Variants in UROS observed in about 807,000 individuals in gnomAD.
UROS encodes the protein uroporphyrinogen III synthase, also known as uroporphyrinogen-III synthase.
Under a neutral mutation model 33.0 loss-of-function variants are expected in UROS, and 18 were observed. The ratio of observed to expected loss-of-function variants is 0.55; its 90% confidence interval spans 0.38 to 0.81. The LOEUF (loss-of-function observed/expected upper bound fraction) is 0.81, where lower values mean the gene tolerates loss of function less well. Among genes scored for constraint, UROS ranks in the 30% least tolerant of loss-of-function variants. The pLI, the probability that UROS is intolerant of heterozygous loss-of-function variation, is 0.00. For synonymous variants in UROS, 114 were observed against 121.1 expected (o/e 0.94, Z 0.38); for missense variants, 293 against 314.9 (o/e 0.93, Z 0.53).
At chr10:125,812,361 G>T in intron 4 of UROS, 73 bp from the exon 5 acceptor site, 2 of 1,388,738 alleles carry the variant, frequency 1.4e-6, no homozygotes, top group South Asian at 1.2e-5. Flanking sequence ...AAGGCTGCTT[G>T]TTCACCCTAA....
chr10:125,807,105 C>T, intron 6 of UROS: 2 of 388,248 alleles, frequency 5.2e-6, no homozygotes, highest in Non-Finnish European at 9.7e-6. Flanking sequence ...ACTCACACCT[C>T]CTGCCTCTGC....
Position 125,802,434 on chromosome 10 carries a change from A to T in UROS, c.395-4289T>A, listed in dbSNP as rs1410920463. On this transcript the variant is annotated intron_variant, in intron 6 of 9. Coordinates refer to ENST00000368797, the MANE Select transcript of UROS (RefSeq NM_000375.3). ...GACCCCCAGCAATCCAGTCTGGAAC[A>T]TTCCACAGAAAGCAACACGTTGGCC... The T allele has an allele frequency of 5.1e-6, 5 of 986,402 alleles. No homozygotes were observed. The African/African-American group carries it at 8.7e-5, about 17-fold the overall frequency. 61.1% of individuals were successfully genotyped at this position (986,402 alleles called of 1,614,324 possible).
chr10:125,816,934 AAAT>A (rs1276272252), intron 1 of UROS, among the ~76,000 whole-genome samples: 3 of 152,262 alleles, frequency 2.0e-5, no homozygotes, highest in Non-Finnish European at 4.4e-5. Flanking sequence ...GCACTTTGGG[AAAT>A]AATTATATTG....
chr10:125,813,922 C>T, intron 4 of UROS, among the ~76,000 whole-genome samples: 1 of 152,348 alleles, frequency 6.6e-6, no homozygotes, highest in Non-Finnish European at 1.5e-5. Flanking sequence ...ACCACTGTCA[C>T]TTACTCCATG....
intron 9 of UROS, chr10:125,792,422 G>C (rs1424237729): frequency 6.6e-6 from 1 of 152,216 alleles, no homozygotes; most frequent in South Asian, 2.1e-4. Context: ...CCTGGCTTTG[G>C]GGGCAGCAGC....
chr10:125,803,355 C>T (rs967775497), intron 6 of UROS, among the ~76,000 whole-genome samples: 2 of 152,230 alleles, frequency 1.3e-5, no homozygotes, highest in African/African-American at 2.4e-5. Context: ...CCCCCAGAGC[C>T]TCCAGGACCC....
At chr10:125,812,856 A>G (rs1202586054) in intron 4 of UROS, among the ~76,000 whole-genome samples, 2 of 152,248 alleles carry the variant, frequency 1.3e-5, no homozygotes, top group African/African-American at 4.8e-5. Context: ...AAATCTTTAA[A>G]TATAGATTAA....
intron 7 of UROS, among the ~76,000 whole-genome samples, chr10:125,797,588 A>G (rs1851468229): frequency 6.6e-6 from 1 of 152,204 alleles, no homozygotes; most frequent in Admixed American, 6.5e-5. Flanking sequence ...CATGCTTCAG[A>G]GGCAAGAACT....
chr10:125,788,477 T>G (rs138894454), downstream of UROS: 2 of 1,009,646 alleles, frequency 2.0e-6, no homozygotes, highest in Non-Finnish European at 2.4e-6. Flanking sequence ...TAGAGCAAAT[T>G]TTCTGATTCA....
intron 1 of UROS, among the ~76,000 whole-genome samples, chr10:125,819,120 G>C (rs975068765): frequency 4.6e-5 from 7 of 152,142 alleles, no homozygotes; most frequent in African/African-American, 1.7e-4. Flanking sequence ...GAGTAGCTGG[G>C]ACTACAGGCA....
intron 9 of UROS, chr10:125,793,029 G>C (rs1353187084): frequency 1.3e-5 from 2 of 152,184 alleles, no homozygotes; most frequent in African/African-American, 4.8e-5. Flanking sequence ...ACTGTAGTAA[G>C]AGGCGAGGGG....
intron 5 of UROS, among the ~76,000 whole-genome samples, chr10:125,809,257 C>T (rs1852592700): frequency 6.6e-6 from 1 of 152,236 alleles, no homozygotes. Context: ...ACAGTGCCTA[C>T]TAAATGGCGC....
At chr10:125,822,276 AG>A (rs1486235328) in intron 1 of UROS, among the ~76,000 whole-genome samples, 2 of 150,736 alleles carry the variant, frequency 1.3e-5, no homozygotes, top group Non-Finnish European at 2.9e-5. Flanking sequence ...CTCTCCAAAT[AG>A]GCTCGGGTCT....
chr10:125,797,779 C>A (rs1325470223), intron 7 of UROS, among the ~76,000 whole-genome samples: 1 of 152,188 alleles, frequency 6.6e-6, no homozygotes, highest in Non-Finnish European at 1.5e-5. Context: ...GCCCAGGGGC[C>A]ACCTCCACAT....
In UROS at chr10:125,788,915, G is replaced by A; in HGVS notation, c.751C>T (p.Leu251=). 6.2e-7 allele frequency: 1 copy of A among 1,607,812 alleles called. No individual in the cohort carries two copies. Among genetic ancestry groups the A allele is most frequent in the Non-Finnish European group, 8.5e-7 (1 of 1,178,368 alleles). The part of the protein sequence containing the change: ...CTAESPTPQA[L]ATGIRKALQP... ...AGAGCCTTCCTGATGCCAGTGGCCA[G>A]GGCTTGTGGCGTGGGGCTCTCTGCA... Residue 251 remains leucine (L), a synonymous_variant, in exon 10 of 10, where the codon CTG becomes TTG. Transcript: ENST00000368797.
At position 125,815,000 on chromosome 10, in the gene UROS, T is replaced by C. The variant is rs1483537945; in HGVS notation, c.244+34A>G. On this transcript the variant is annotated intron_variant, in intron 4 of 9. Transcript: ENST00000368797. ...AGCAGGAGAAATAAGAGTAAATAAATGTCCAGTGGAATCCACAGCAGACCC... is the reference window on the plus strand; with the variant it reads ...AGCAGGAGAAATAAGAGTAAATAAACGTCCAGTGGAATCCACAGCAGACCC... The C allele has an allele frequency of 5.0e-6, 8 of 1,607,734 alleles. No individual in the cohort carries two copies. The South Asian group carries it at 6.6e-5, about 13-fold the overall frequency.
At chr10:125,819,286 G>GT (rs916218440) in intron 1 of UROS, among the ~76,000 whole-genome samples, 1 of 152,104 alleles carries the variant, frequency 6.6e-6, no homozygotes, top group Non-Finnish European at 1.5e-5. Context: ...CCGGCCTAAA[G>GT]TTTTTTAAAA....
downstream of UROS, among the ~76,000 whole-genome samples, chr10:125,787,372 G>A (rs982607121): frequency 6.6e-6 from 1 of 151,984 alleles, no homozygotes; most frequent in East Asian, 1.9e-4. Flanking sequence ...CCTCACTTCC[G>A]GGCTTGTCTT....
chr10:125,813,263 G>T (rs1050779652), intron 4 of UROS, among the ~76,000 whole-genome samples: 8 of 152,160 alleles, frequency 5.3e-5, no homozygotes, highest in African/African-American at 1.9e-4. Flanking sequence ...CACCTCGTCT[G>T]TTTCTTCATC....
Sources: allele counts gnomAD v4.1 joint callset (sites outside exome capture counted in the v4.1 genomes callset), GRCh38; gene constraint gnomAD v4.1.1; transcripts MANE v1.5; gene names NCBI Gene and HGNC (gene_info 2026-07-23, HGNC 2026-07-21).